The following NSMCE2 variants were observed in gnomAD, a reference collection of about 807,000 sequenced individuals.
The protein encoded by NSMCE2 is NSE2 SUMO ligase component of SMC5/6 complex, also known as E3 SUMO-protein ligase NSE2.
In NSMCE2, 24 loss-of-function variants were observed where a neutral mutation model predicts 23.8. The observed-to-expected ratio is 1.01, with a 90% CI of 0.73 to 1.42. NSMCE2 has a LOEUF of 1.42. Among genes scored for constraint, NSMCE2 ranks in the 40% most tolerant of loss-of-function variants. The pLI is 0.00. For missense variants in NSMCE2, 284 were observed against 296.5 expected (o/e 0.96, Z 0.31); for synonymous variants, 92 against 94.1 (o/e 0.98, Z 0.13).
chr8:125,121,191 G>A (rs1819246809), intron 3 of NSMCE2, among the ~76,000 whole-genome samples: 1 of 152,174 alleles, frequency 6.6e-6, no homozygotes, highest in South Asian at 2.1e-4. Flanking sequence ...GTTATAGGTA[G>A]CGTGCTCAGT....
intron 5 of NSMCE2, among the ~76,000 whole-genome samples, chr8:125,272,834 T>TATAC (rs1563756336): frequency 1.2e-5 from 1 of 82,772 alleles, no homozygotes; most frequent in African/African-American, 4.7e-5. Flanking sequence ...CACATATATA[T>TATAC]ACACACGTAT....
chr8:125,285,810 T>TA (rs1827871092), intron 5 of NSMCE2, among the ~76,000 whole-genome samples: 1 of 151,822 alleles, frequency 6.6e-6, no homozygotes, highest in South Asian at 2.1e-4. Flanking sequence ...ATTTAATCGT[T>TA]ACAGCATTCC....
At chr8:125,214,823 A>C (rs567930936) in intron 5 of NSMCE2, among the ~76,000 whole-genome samples, 7 of 152,110 alleles carry the variant, frequency 4.6e-5, no homozygotes, top group Middle Eastern at 3.2e-3. Context: ...TTCGTGTATT[A>C]ACATTTATAT....
At chr8:125,195,479 C>T (rs75770485) in intron 5 of NSMCE2, among the ~76,000 whole-genome samples, 6,208 of 152,180 alleles carry the variant, frequency 0.041, 419 homozygotes, top group African/African-American at 0.14. Flanking sequence ...ACATATAAGT[C>T]ACTTAGTAAT....
intron 5 of NSMCE2, among the ~76,000 whole-genome samples, chr8:125,216,500 G>A (rs994591438): frequency 6.6e-6 from 1 of 152,032 alleles, no homozygotes; most frequent in Non-Finnish European, 1.5e-5. Context: ...TTAGCTGGGT[G>A]TGGTGGCACA....
chr8:125,117,456 A>G (rs1019084521), intron 3 of NSMCE2, among the ~76,000 whole-genome samples: 16 of 152,314 alleles, frequency 1.1e-4, no homozygotes, highest in African/African-American at 3.8e-4. Flanking sequence ...ATAATTTGCC[A>G]TGTCTCGATA....
chr8:125,262,338 G>A (rs1385390103), intron 5 of NSMCE2, among the ~76,000 whole-genome samples: 1 of 151,786 alleles, frequency 6.6e-6, no homozygotes, highest in Non-Finnish European at 1.5e-5. Context: ...GGCAGGAAAT[G>A]GCATGGACCT....
intron 4 of NSMCE2, among the ~76,000 whole-genome samples, chr8:125,166,708 G>A (rs182097512): frequency 9.1e-4 from 139 of 152,322 alleles, no homozygotes; most frequent in African/African-American, 3.3e-3. Flanking sequence ...ACCCAGGGAA[G>A]ACACTTCTGC....
At chr8:125,266,096 T>C (rs1325937441) in intron 5 of NSMCE2, among the ~76,000 whole-genome samples, 2 of 150,080 alleles carry the variant, frequency 1.3e-5, no homozygotes, top group Non-Finnish European at 3.0e-5. Context: ...TTTTTTCTTT[T>C]TTTTTTTTTT....
At chr8:125,284,893 A>G (rs2131140757) in intron 5 of NSMCE2, among the ~76,000 whole-genome samples, 1 of 152,350 alleles carries the variant, frequency 6.6e-6, no homozygotes, top group South Asian at 2.1e-4. Flanking sequence ...TTTTATAGCT[A>G]ATGTGCTAAT....
intron 5 of NSMCE2, among the ~76,000 whole-genome samples, chr8:125,230,841 TTCTTA>T (rs1825293333): frequency 3.9e-5 from 6 of 152,216 alleles, no homozygotes; most frequent in Non-Finnish European, 8.8e-5. Context: ...GCCCCTGTCT[TTCTTA>T]GACAGCAGGG....
chr8:125,267,050 G>GTCATCC (rs1826950555), intron 5 of NSMCE2, among the ~76,000 whole-genome samples: 1 of 137,034 alleles, frequency 7.3e-6, no homozygotes, highest in African/African-American at 2.7e-5. Context: ...TGTCTCCCAG[G>GTCATCC]CAGTAGTGCA....
intron 5 of NSMCE2, among the ~76,000 whole-genome samples, chr8:125,345,973 T>C (rs1830417487): frequency 6.6e-6 from 1 of 152,112 alleles, no homozygotes; most frequent in African/African-American, 2.4e-5. Flanking sequence ...CTGCCCAACA[T>C]GGCAAAACCC....
intron 3 of NSMCE2, among the ~76,000 whole-genome samples, chr8:125,142,355 T>C (rs1216147141): frequency 6.6e-6 from 1 of 152,218 alleles, no homozygotes; most frequent in Admixed American, 6.5e-5. Context: ...AAAGCCTAGA[T>C]TTGAATGAAG....
intron 5 of NSMCE2, among the ~76,000 whole-genome samples, chr8:125,314,988 A>T (rs1162424471): frequency 6.6e-6 from 1 of 152,236 alleles, no homozygotes; most frequent in Non-Finnish European, 1.5e-5. Context: ...AACTAGACTC[A>T]CACTGAAGGG....
In NSMCE2 at chr8:125,104,054, G is replaced by A. The variant is rs113791699; in HGVS notation, c.157+1567G>A. ...TGCCCAGGCTGGAGTGCAATGGTGCGATCTCGGCTCACTGCAACCTCCGCC... is the reference window on the plus strand; with the variant it reads ...TGCCCAGGCTGGAGTGCAATGGTGCAATCTCGGCTCACTGCAACCTCCGCC... On this transcript the variant is annotated intron_variant, in intron 3 of 7. Transcript: ENST00000287437. Among the ~76,000 whole-genome samples the A allele has an allele frequency of 6.8e-3, 1,017 of 150,220 alleles. 20 individuals carry two copies. Among genetic ancestry groups the A allele is most frequent in the African/African-American group, 0.024 (971 of 40,776 alleles).
chr8:125,303,638 G>A (rs182899246), intron 5 of NSMCE2, among the ~76,000 whole-genome samples: 1 of 152,176 alleles, frequency 6.6e-6, no homozygotes, highest in East Asian at 1.9e-4. Flanking sequence ...TGTAAGTACT[G>A]TTAACTATAT....
At chr8:125,355,509 G>A (rs1373752045) in intron 5 of NSMCE2, among the ~76,000 whole-genome samples, 2 of 152,066 alleles carry the variant, frequency 1.3e-5, no homozygotes, top group African/African-American at 4.8e-5. Flanking sequence ...AGACCAGCCT[G>A]GCCAATATGG....
chr8:125,141,324 A>G (rs889784198), intron 3 of NSMCE2, among the ~76,000 whole-genome samples: 1 of 152,130 alleles, frequency 6.6e-6, no homozygotes, highest in African/African-American at 2.4e-5. Flanking sequence ...TTAGTACAGA[A>G]CAGATTATTC....
Sources: allele counts gnomAD v4.1 joint callset (sites outside exome capture counted in the v4.1 genomes callset), GRCh38; gene constraint gnomAD v4.1.1; transcripts MANE v1.5; gene names NCBI Gene and HGNC (gene_info 2026-07-23, HGNC 2026-07-21).